AFG2A: variants seen among roughly 807,000 people sequenced by gnomAD.
AFG2A encodes the protein ATPase family gene 2 protein homolog A.
the AFG2A span, among the ~76,000 whole-genome samples, chr4:123,289,274 G>A: frequency 1.3e-5 from 2 of 152,050 alleles, no homozygotes; most frequent in Non-Finnish European, 2.9e-5. Context: ...GCAGTATTTG[G>A]TTTTCCATTC....
the AFG2A span, among the ~76,000 whole-genome samples, chr4:123,302,494 G>A: frequency 6.6e-6 from 1 of 152,000 alleles, no homozygotes; most frequent in Non-Finnish European, 1.5e-5. Flanking sequence ...AGCTGCCTCT[G>A]TGTCTGTGTA....
the AFG2A span, among the ~76,000 whole-genome samples, chr4:122,947,985 GCTTA>G: frequency 7.5e-3 from 1,144 of 152,070 alleles, 13 homozygotes; most frequent in African/African-American, 0.026. Flanking sequence ...TTTTTCTTTA[GCTTA>G]CTTTATTGTA....
the AFG2A span, among the ~76,000 whole-genome samples, chr4:123,011,656 T>C: frequency 6.6e-6 from 1 of 152,180 alleles, no homozygotes; most frequent in Non-Finnish European, 1.5e-5. Flanking sequence ...CAAGTTTATA[T>C]TGGGGTCAAG....
chr4:123,269,686 C>T, the AFG2A span, among the ~76,000 whole-genome samples: 1 of 152,174 alleles, frequency 6.6e-6, no homozygotes, highest in African/African-American at 2.4e-5. Flanking sequence ...CATGAAGCAC[C>T]AAAATAGCAC....
At chr4:123,200,144 G>T in the AFG2A span, among the ~76,000 whole-genome samples, 5 of 152,114 alleles carry the variant, frequency 3.3e-5, no homozygotes, top group Admixed American at 6.6e-5. Flanking sequence ...GAGGTAAGAG[G>T]TATGGCAATT....
At chr4:123,289,864 CT>C in the AFG2A span, among the ~76,000 whole-genome samples, 12 of 148,494 alleles carry the variant, frequency 8.1e-5, no homozygotes, top group African/African-American at 9.8e-5. Context: ...TCCTTTCCCA[CT>C]TTTTTTTTTA....
At chr4:123,082,616 G>C in the AFG2A span, among the ~76,000 whole-genome samples, 1 of 147,136 alleles carries the variant, frequency 6.8e-6, no homozygotes, top group Non-Finnish European at 1.5e-5. Context: ...CTGCAACTTT[G>C]TTCTTTTCCT....
the AFG2A span, among the ~76,000 whole-genome samples, chr4:123,066,276 G>A: frequency 4.6e-5 from 7 of 152,104 alleles, no homozygotes; most frequent in African/African-American, 1.7e-4. Context: ...ATACATTCAT[G>A]ATGTTATGTA....
At chr4:123,118,176 C>T in the AFG2A span, among the ~76,000 whole-genome samples, 4,601 of 150,694 alleles carry the variant, frequency 0.031, 128 homozygotes, top group Non-Finnish European at 0.041. Context: ...ATTCCTTGTT[C>T]CTTCTACCAC....
the AFG2A span, among the ~76,000 whole-genome samples, chr4:123,007,644 C>CA: frequency 1.0e-4 from 3 of 29,344 alleles, no homozygotes; most frequent in African/African-American, 2.6e-4. Flanking sequence ...ACACACACAA[C>CA]ACACACACAC....
the AFG2A span, among the ~76,000 whole-genome samples, chr4:123,259,261 A>G: frequency 3.3e-5 from 5 of 152,216 alleles, no homozygotes; most frequent in African/African-American, 9.7e-5. Flanking sequence ...GCATTGTTCT[A>G]TGAAAGCTTA....
chr4:123,289,979 T>C, the AFG2A span, among the ~76,000 whole-genome samples: 1 of 152,142 alleles, frequency 6.6e-6, no homozygotes, highest in African/African-American at 2.4e-5. Context: ...AAACCCAGTA[T>C]GCATTCACTG....
chr4:123,014,370 AC>A, the AFG2A span, among the ~76,000 whole-genome samples: 1 of 152,176 alleles, frequency 6.6e-6, no homozygotes, highest in South Asian at 2.1e-4. Flanking sequence ...AATTTTTGTT[AC>A]TTTTTTAAGT....
chr4:123,190,042 C>T, the AFG2A span, among the ~76,000 whole-genome samples: 1 of 151,876 alleles, frequency 6.6e-6, no homozygotes, highest in Non-Finnish European at 1.5e-5. Flanking sequence ...TCAATTGATC[C>T]TCCCACTGCA....
the AFG2A span, among the ~76,000 whole-genome samples, chr4:123,123,519 T>C: frequency 6.6e-6 from 1 of 152,132 alleles, no homozygotes; most frequent in African/African-American, 2.4e-5. Flanking sequence ...TGTGTAGTCA[T>C]GAAGAAGAAC....
the AFG2A span, among the ~76,000 whole-genome samples, chr4:122,985,162 G>C: frequency 7.6e-6 from 1 of 132,388 alleles, no homozygotes; most frequent in East Asian, 2.2e-4. Flanking sequence ...TTTTGCTCTT[G>C]TTGACCAGAC....
chr4:123,103,637 C>G, the AFG2A span, among the ~76,000 whole-genome samples: 1 of 151,948 alleles, frequency 6.6e-6, no homozygotes, highest in East Asian at 1.9e-4. Context: ...AACATAGTAT[C>G]CGACAATCTC....
chr4:123,058,702 C>A, the AFG2A span, among the ~76,000 whole-genome samples: 1 of 151,428 alleles, frequency 6.6e-6, no homozygotes. Flanking sequence ...GGGAAACCAC[C>A]CCCATGATTC....
chr4:123,161,973 G>A, the AFG2A span, among the ~76,000 whole-genome samples: 1 of 152,110 alleles, frequency 6.6e-6, no homozygotes, highest in Admixed American at 6.6e-5. Flanking sequence ...GATTTGACGG[G>A]GAGGGAGGGA....
Sources: gnomAD v4.1 joint callset for allele counts (sites outside exome capture counted in the v4.1 genomes callset) on GRCh38, gnomAD v4.1.1 for gene constraint, MANE v1.5 for transcripts, NCBI Gene and HGNC (gene_info 2026-07-23, HGNC 2026-07-21) for gene names.